The following MDFIC2 variants were observed in gnomAD, a reference collection of about 807,000 sequenced individuals.
MDFIC2 encodes the protein MyoD family inhibitor domain containing 2.
At chr3:70,250,160 A>G (rs1701747373) in intron 2 of MDFIC2, among the ~76,000 whole-genome samples, 1 of 152,138 alleles carries the variant, frequency 6.6e-6, no homozygotes. Flanking sequence ...TCTGTTCAAT[A>G]AATATTGTGA....
chr3:70,252,745 G>T (rs1452926349), intron 2 of MDFIC2, among the ~76,000 whole-genome samples: 1 of 151,860 alleles, frequency 6.6e-6, no homozygotes, highest in Non-Finnish European at 1.5e-5. Context: ...TGGTTCTGTG[G>T]ATACATCAGT....
Position 70,196,212 on chromosome 3 carries a change from C to T in MDFIC2, c.*714G>A, listed in dbSNP as rs1387882211. On this transcript the variant is annotated 3_prime_UTR_variant, in exon 4 of 4. Transcript: ENST00000567252. ...AGAATAACTAAGAGCCTTTCTGTAA[C>T]GAATTAAGAATATGAATAACCTGTT... is the stretch of plus-strand genomic sequence containing the variant. Among the ~76,000 whole-genome samples, 11 of 152,018 alleles carry T rather than the reference C, an allele frequency of 7.2e-5. No individual in the cohort carries two copies. The highest frequency in any genetic ancestry group is 1.3e-4 in the Non-Finnish European group (9 of 68,012).
intron 2 of MDFIC2, among the ~76,000 whole-genome samples, chr3:70,207,854 A>T (rs1039705266): frequency 6.6e-6 from 1 of 152,004 alleles, no homozygotes; most frequent in Non-Finnish European, 1.5e-5. Flanking sequence ...TCCTGGAACC[A>T]GTTCCCCTCA....
At chr3:70,204,311 TC>T (rs200664449) in intron 3 of MDFIC2, among the ~76,000 whole-genome samples, 2,718 of 152,258 alleles carry the variant, frequency 0.018, 86 homozygotes, top group African/African-American at 0.06. Flanking sequence ...TGACCCCAGC[TC>T]TCAATTTCTG....
At chr3:70,234,218 T>TA (rs2106747099) in intron 2 of MDFIC2, among the ~76,000 whole-genome samples, 1 of 152,328 alleles carries the variant, frequency 6.6e-6, no homozygotes, top group South Asian at 2.1e-4. Flanking sequence ...TCTAGACACT[T>TA]AGAGGGCTGG....
At chr3:70,290,721 GC>G (rs1344796437) in intron 2 of MDFIC2, among the ~76,000 whole-genome samples, 6 of 152,262 alleles carry the variant, frequency 3.9e-5, no homozygotes, top group Admixed American at 2.6e-4. Flanking sequence ...GACTCCGTGG[GC>G]GTAGGACCCT....
intron 2 of MDFIC2, among the ~76,000 whole-genome samples, chr3:70,228,708 A>G (rs1464712037): frequency 1.3e-5 from 2 of 151,074 alleles, no homozygotes; most frequent in African/African-American, 4.9e-5. Context: ...GATGAAGGAA[A>G]TGTATATTCT....
intron 3 of MDFIC2, among the ~76,000 whole-genome samples, chr3:70,202,255 T>C (rs1320087100): frequency 6.6e-6 from 1 of 152,110 alleles, no homozygotes; most frequent in East Asian, 1.9e-4. Context: ...GCCTATTTGA[T>C]AGTGGTCAGT....
In MDFIC2 at chr3:70,301,831, G is replaced by A. The variant is rs371496450; in HGVS notation, c.88+10055C>T. 2.0e-5 allele frequency among the ~76,000 whole-genome samples: 3 copies of A among 152,040 alleles called. No homozygotes were observed. The South Asian group carries it at 6.2e-4, about 32-fold the overall frequency. On this transcript the variant is annotated intron_variant, in intron 2 of 3. Coordinates refer to ENST00000567252, the MANE Select transcript of MDFIC2 (RefSeq NM_001364677.1). ...CAGATATATTTTGGTAACTCTACAG[G>A]AAGTTTAATTTTCTATCTATAATGC... is the stretch of plus-strand genomic sequence containing the variant.
intron 2 of MDFIC2, among the ~76,000 whole-genome samples, chr3:70,308,084 C>T (rs899391666): frequency 6.6e-6 from 1 of 152,172 alleles, no homozygotes; most frequent in Non-Finnish European, 1.5e-5. Context: ...CAGAGTCTTG[C>T]TCTGTTGCTC....
At chr3:70,265,290 GA>G (rs766486440) in intron 2 of MDFIC2, among the ~76,000 whole-genome samples, 4 of 152,142 alleles carry the variant, frequency 2.6e-5, no homozygotes, top group Admixed American at 6.5e-5. Context: ...GTGAAGAAGG[GA>G]GAAAAAACTA....
At chr3:70,259,591 C>G (rs957441320) in intron 2 of MDFIC2, among the ~76,000 whole-genome samples, 1 of 152,102 alleles carries the variant, frequency 6.6e-6, no homozygotes, top group African/African-American at 2.4e-5. Context: ...ATTTACTCCT[C>G]CAAATTCACT....
chr3:70,289,428 C>T (rs1301174914), intron 2 of MDFIC2, among the ~76,000 whole-genome samples: 93 of 148,354 alleles, frequency 6.3e-4, no homozygotes, highest in Admixed American at 1.6e-3. Context: ...CCGAGAGATC[C>T]GCTGTTAGTC....
At chr3:70,241,717 G>T (rs753126324) in intron 2 of MDFIC2, among the ~76,000 whole-genome samples, 21 of 152,114 alleles carry the variant, frequency 1.4e-4, no homozygotes, top group Admixed American at 6.5e-4. Context: ...CCTAAACATT[G>T]CGGCTACTAA....
At chr3:70,247,181 A>G (rs972276396) in intron 2 of MDFIC2, among the ~76,000 whole-genome samples, 1 of 151,844 alleles carries the variant, frequency 6.6e-6, no homozygotes, top group Non-Finnish European at 1.5e-5. Context: ...CTAACTTTGG[A>G]TGACTTCCCT....
chr3:70,270,135 A>G (rs1701962621), intron 2 of MDFIC2, among the ~76,000 whole-genome samples: 1 of 152,214 alleles, frequency 6.6e-6, no homozygotes. Context: ...TACATTTGAA[A>G]TGTTTGATTA....
chr3:70,294,563 C>G (rs1035959194), intron 2 of MDFIC2, among the ~76,000 whole-genome samples: 10 of 152,124 alleles, frequency 6.6e-5, no homozygotes, highest in African/African-American at 2.4e-4. Context: ...AAGTGCTCTT[C>G]ATTCATTATT....
chr3:70,275,940 C>CT (rs1399710140), intron 2 of MDFIC2, among the ~76,000 whole-genome samples: 1 of 151,994 alleles, frequency 6.6e-6, no homozygotes, highest in Non-Finnish European at 1.5e-5. Flanking sequence ...AACTAATCAG[C>CT]TTTGATTAAT....
Position 70,272,806 on chromosome 3 carries a change from G to T in MDFIC2, c.88+39080C>A, listed in dbSNP as rs539151336. ...TGGAAAGCATAAATGAATATTGCTT[G>T]TTTCACGAAGTTAGAATTTTCTTTC... On this transcript the variant is annotated intron_variant, in intron 2 of 3. Coordinates refer to ENST00000567252, the MANE Select transcript of MDFIC2 (RefSeq NM_001364677.1). 1.3e-4 allele frequency among the ~76,000 whole-genome samples: 20 copies of T among 152,238 alleles called. No homozygotes were observed. The South Asian group carries it at 3.9e-3, about 30-fold the overall frequency.
Sources: gnomAD v4.1 joint callset for allele counts (sites outside exome capture counted in the v4.1 genomes callset) on GRCh38, gnomAD v4.1.1 for gene constraint, MANE v1.5 for transcripts, NCBI Gene and HGNC (gene_info 2026-07-23, HGNC 2026-07-21) for gene names.